Variants in LOC128462377 observed in about 807,000 individuals in gnomAD.
At chr16:89,403,094 A>C in the LOC128462377 span, among the ~76,000 whole-genome samples, 1 of 152,206 alleles carries the variant, frequency 6.6e-6, no homozygotes, top group South Asian at 2.1e-4. Flanking sequence ...TCATCACTGC[A>C]CGTGGACACA....
the LOC128462377 span, among the ~76,000 whole-genome samples, chr16:89,388,293 A>ATGTTTTTTTTTT: frequency 3.5e-5 from 3 of 85,264 alleles, no homozygotes; most frequent in Non-Finnish European, 4.5e-5. Flanking sequence ...CATGAGGCTG[A>ATGTTTTTTTTTT]TTTTTTTTTT....
At chr16:89,413,467 T>C in the LOC128462377 span, among the ~76,000 whole-genome samples, 1 of 151,888 alleles carries the variant, frequency 6.6e-6, no homozygotes, top group African/African-American at 2.4e-5. Flanking sequence ...CTACTAAAGA[T>C]ACAAAAAATT....
At chr16:89,320,267 T>C in the LOC128462377 span, 1 of 152,152 alleles carries the variant, frequency 6.6e-6, no homozygotes, top group Non-Finnish European at 1.5e-5. Flanking sequence ...AGGCACCGGG[T>C]CTCACTCCCG....
chr16:89,323,579 A>AGAGCCCAGGGCAGGGGGGCAG, the LOC128462377 span, among the ~76,000 whole-genome samples: 2 of 15,010 alleles, frequency 1.3e-4, no homozygotes, highest in East Asian at 2.9e-3. Flanking sequence ...CACGGGGGCT[A>AGAGCCCAGGGCAGGGGGGCAG]AGCCCAGGGC....
At chr16:89,324,266 T>C in the LOC128462377 span, 44 of 1,238,632 alleles carry the variant, frequency 3.6e-5, no homozygotes, top group South Asian at 4.5e-4. Flanking sequence ...CTGTGGAACA[T>C]ACAGGAGCCC....
chr16:89,385,161 C>T, the LOC128462377 span, among the ~76,000 whole-genome samples: 1 of 151,580 alleles, frequency 6.6e-6, no homozygotes, highest in Admixed American at 6.6e-5. Flanking sequence ...CAGGCGTGAG[C>T]CACTGTACCC....
chr16:89,358,879 G>A, the LOC128462377 span, among the ~76,000 whole-genome samples: 2 of 151,884 alleles, frequency 1.3e-5, no homozygotes, highest in Non-Finnish European at 2.9e-5. Flanking sequence ...AGGCTGGAGC[G>A]CAGTGGTGCG....
chr16:89,318,378 G>A, the LOC128462377 span, among the ~76,000 whole-genome samples: 1 of 152,142 alleles, frequency 6.6e-6, no homozygotes, highest in Non-Finnish European at 1.5e-5. Context: ...TCATGTCCTC[G>A]CCGCACCGTC....
chr16:89,347,180 A>T, the LOC128462377 span, among the ~76,000 whole-genome samples: 1 of 152,168 alleles, frequency 6.6e-6, no homozygotes, highest in South Asian at 2.1e-4. Flanking sequence ...ATGTGAATGA[A>T]AACACTGCCA....
At chr16:89,372,008 G>A in the LOC128462377 span, among the ~76,000 whole-genome samples, 2 of 152,166 alleles carry the variant, frequency 1.3e-5, no homozygotes, top group Admixed American at 6.5e-5. Context: ...GGTTTGTCAC[G>A]GGCCAAGAAC....
chr16:89,390,386 C>A, the LOC128462377 span, among the ~76,000 whole-genome samples: 1 of 152,242 alleles, frequency 6.6e-6, no homozygotes, highest in South Asian at 2.1e-4. Flanking sequence ...GAGAGAAGAT[C>A]ACTGGATCAA....
the LOC128462377 span, among the ~76,000 whole-genome samples, chr16:89,357,627 G>A: frequency 3.9e-3 from 588 of 152,286 alleles, 2 homozygotes; most frequent in African/African-American, 0.013. Context: ...GTCCCCTGGC[G>A]GATGACAGAG....
chr16:89,355,524 C>T, the LOC128462377 span, among the ~76,000 whole-genome samples: 1 of 152,194 alleles, frequency 6.6e-6, no homozygotes, highest in Non-Finnish European at 1.5e-5. Context: ...CCATGTCCGG[C>T]ACATGCTCTG....
chr16:89,401,252 G>A, the LOC128462377 span, among the ~76,000 whole-genome samples: 10 of 152,136 alleles, frequency 6.6e-5, no homozygotes, highest in South Asian at 8.3e-4. Context: ...CTAACATTTG[G>A]ATTTTTAGTA....
At chr16:89,329,986 C>T in the LOC128462377 span, among the ~76,000 whole-genome samples, 2 of 130,714 alleles carry the variant, frequency 1.5e-5, no homozygotes, top group South Asian at 2.4e-4. Flanking sequence ...AAGAGTGAGA[C>T]CTTGTCTCAA....
the LOC128462377 span, among the ~76,000 whole-genome samples, chr16:89,327,146 G>A: frequency 6.6e-6 from 1 of 151,924 alleles, no homozygotes; most frequent in African/African-American, 2.4e-5. Flanking sequence ...TCTGATGACA[G>A]CGAAATATGT....
the LOC128462377 span, among the ~76,000 whole-genome samples, chr16:89,346,406 T>C: frequency 6.6e-6 from 1 of 152,086 alleles, no homozygotes; most frequent in Non-Finnish European, 1.5e-5. Flanking sequence ...AAGCTGGAGC[T>C]AAACATATAA....
the LOC128462377 span, among the ~76,000 whole-genome samples, chr16:89,415,836 A>C: frequency 7.1e-6 from 1 of 141,098 alleles, no homozygotes; most frequent in Non-Finnish European, 1.5e-5. Flanking sequence ...TCTCAAAAAA[A>C]AAAAAAAAAA....
chr16:89,346,250 GAA>G, the LOC128462377 span, among the ~76,000 whole-genome samples: 16 of 96,874 alleles, frequency 1.7e-4, no homozygotes, highest in Admixed American at 2.5e-4. Flanking sequence ...CCCGTCTCAG[GAA>G]AAAAAAAAAA....
Sources: gnomAD v4.1 joint callset for allele counts (sites outside exome capture counted in the v4.1 genomes callset) on GRCh38, gnomAD v4.1.1 for gene constraint, MANE v1.5 for transcripts.